The following LRRC4C variants were observed in gnomAD, a reference collection of about 807,000 sequenced individuals.
LRRC4C encodes the protein leucine-rich repeat-containing protein 4C.
A neutral mutation model predicts 33.6 loss-of-function variants in LRRC4C; 5 were observed. The observed-to-expected ratio is 0.15, with a 90% CI of 0.08 to 0.31. The LOEUF (loss-of-function observed/expected upper bound fraction) is 0.31. LRRC4C is among the 10% of genes least tolerant of loss of function. The pLI is 1.00. For missense variants in LRRC4C, 560 were observed against 796.7 expected, an observed-to-expected ratio of 0.70 and a Z score of 3.58; for synonymous variants, 329 against 302.0, an observed-to-expected ratio of 1.09 and a Z score of -0.93.
At chr11:40,227,689 G>A (rs1409703671) in intron 5 of LRRC4C, among the ~76,000 whole-genome samples, 1 of 152,040 alleles carries the variant, frequency 6.6e-6, no homozygotes, top group Non-Finnish European at 1.5e-5. Context: ...TATGTAAACT[G>A]TAGAAACCAT....
intron 2 of LRRC4C, among the ~76,000 whole-genome samples, chr11:40,766,982 G>A (rs1949505058): frequency 6.6e-6 from 1 of 151,734 alleles, no homozygotes; most frequent in African/African-American, 2.4e-5. Context: ...TTATAGCATT[G>A]AATGTAAATG....
intron 1 of LRRC4C, among the ~76,000 whole-genome samples, chr11:41,362,046 G>C (rs1445423397): frequency 2.0e-5 from 3 of 152,122 alleles, no homozygotes; most frequent in Non-Finnish European, 4.4e-5. Flanking sequence ...AGTTTTCAAA[G>C]AAAGTTTGGA....
intron 3 of LRRC4C, among the ~76,000 whole-genome samples, chr11:40,442,786 C>T (rs893112877): frequency 1.3e-5 from 2 of 152,158 alleles, no homozygotes; most frequent in African/African-American, 2.4e-5. Context: ...CACTGTACAG[C>T]CATTCTAAGA....
intron 3 of LRRC4C, among the ~76,000 whole-genome samples, chr11:40,366,245 G>A (rs1225651313): frequency 6.6e-6 from 1 of 152,036 alleles, no homozygotes; most frequent in Non-Finnish European, 1.5e-5. Context: ...GGAATTTATG[G>A]TGTATTTGGA....
intron 1 of LRRC4C, among the ~76,000 whole-genome samples, chr11:41,373,966 C>A (rs1952848457): frequency 1.3e-5 from 2 of 152,278 alleles, no homozygotes; most frequent in East Asian, 3.9e-4. Context: ...ATATTAATAT[C>A]TTGCCCATTG....
intron 3 of LRRC4C, among the ~76,000 whole-genome samples, chr11:40,580,007 G>T (rs1958395906): frequency 6.6e-6 from 1 of 151,832 alleles, no homozygotes; most frequent in African/African-American, 2.4e-5. Flanking sequence ...AACCAGGTCT[G>T]AGACTAAGGG....
At chr11:40,721,080 G>A (rs1357536775) in intron 2 of LRRC4C, among the ~76,000 whole-genome samples, 2 of 151,808 alleles carry the variant, frequency 1.3e-5, no homozygotes, top group African/African-American at 2.4e-5. Context: ...AGATCTTTAG[G>A]GTATGATTCA....
chr11:41,113,786 G>GT lies in LRRC4C; in HGVS notation c.-495-180064dup, dbSNP rs1010227345. 2.4e-3 allele frequency among the ~76,000 whole-genome samples: 355 copies of GT among 148,814 alleles called. 1 individual carries two copies. The highest frequency in any genetic ancestry group is 6.1e-3 in the African/African-American group (246 of 40,584). ...AGATTTATACCTTATTGTTTCATGA[G>GT]TTTTTTTTTTAACATTTCTGCATAC... On this transcript the variant is annotated intron_variant, in intron 1 of 6. Transcript: ENST00000528697.
chr11:41,117,503 A>G (rs924226794), intron 1 of LRRC4C, among the ~76,000 whole-genome samples: 1 of 152,186 alleles, frequency 6.6e-6, no homozygotes, highest in African/African-American at 2.4e-5. Context: ...TTATTTATGT[A>G]TGTATGTAAA....
intron 4 of LRRC4C, among the ~76,000 whole-genome samples, chr11:40,300,206 T>A (rs908373814): frequency 6.6e-6 from 1 of 152,158 alleles, no homozygotes; most frequent in African/African-American, 2.4e-5. Context: ...AAACCATTCA[T>A]GAGAAATCTG....
At chr11:41,408,383 C>T (rs1954322554) in intron 1 of LRRC4C, among the ~76,000 whole-genome samples, 1 of 152,056 alleles carries the variant, frequency 6.6e-6, no homozygotes, top group South Asian at 2.1e-4. Flanking sequence ...AGAATTCATC[C>T]ATTGATTCAC....
chr11:41,076,433 C>G (rs1018453941), intron 1 of LRRC4C, among the ~76,000 whole-genome samples: 1 of 152,100 alleles, frequency 6.6e-6, no homozygotes, highest in African/African-American at 2.4e-5. Context: ...GACTTGAAGG[C>G]CTCAGGAAAG....
chr11:41,083,028 G>T (rs139193758), intron 1 of LRRC4C, among the ~76,000 whole-genome samples: 1 of 152,004 alleles, frequency 6.6e-6, no homozygotes, highest in Non-Finnish European at 1.5e-5. Flanking sequence ...GGAATAAAGC[G>T]CTAGAGAGAA....
intron 2 of LRRC4C, among the ~76,000 whole-genome samples, chr11:40,914,177 A>C (rs1321456721): frequency 1.3e-5 from 2 of 152,288 alleles, no homozygotes; most frequent in East Asian, 3.9e-4. Flanking sequence ...AAAAGAGGGA[A>C]TCCTCCCTAA....
At chr11:41,391,565 T>C (rs1417473742) in intron 1 of LRRC4C, among the ~76,000 whole-genome samples, 1 of 151,932 alleles carries the variant, frequency 6.6e-6, no homozygotes, top group Non-Finnish European at 1.5e-5. Context: ...TGAAAGCCAC[T>C]GCAATAAATG....
chr11:40,988,013 T>C (rs983498971), intron 1 of LRRC4C, among the ~76,000 whole-genome samples: 1 of 151,854 alleles, frequency 6.6e-6, no homozygotes, highest in South Asian at 2.1e-4. Context: ...GCTTGGGAGA[T>C]TTTGCAAAGG....
At chr11:41,311,263 T>C (rs1950635571) in intron 1 of LRRC4C, among the ~76,000 whole-genome samples, 1 of 152,176 alleles carries the variant, frequency 6.6e-6, no homozygotes, top group South Asian at 2.1e-4. Flanking sequence ...AAGAAATTGG[T>C]TCTCAGTTCT....
At chr11:40,923,416 G>T (rs974035441) in intron 2 of LRRC4C, among the ~76,000 whole-genome samples, 1 of 152,160 alleles carries the variant, frequency 6.6e-6, no homozygotes, top group African/African-American at 2.4e-5. Flanking sequence ...AAATGTGGCA[G>T]TGTATATTGC....
At chr11:40,377,727 G>GT (rs1273717838) in intron 3 of LRRC4C, among the ~76,000 whole-genome samples, 5 of 152,006 alleles carry the variant, frequency 3.3e-5, no homozygotes, top group African/African-American at 1.2e-4. Flanking sequence ...TAATCCAGAA[G>GT]TTTTTTGAGA....
Sources: gnomAD v4.1 joint callset for allele counts (sites outside exome capture counted in the v4.1 genomes callset) on GRCh38, gnomAD v4.1.1 for gene constraint, MANE v1.5 for transcripts, NCBI Gene and HGNC (gene_info 2026-07-23, HGNC 2026-07-21) for gene names.